Variants in APP observed in about 807,000 individuals in gnomAD.
APP encodes the protein amyloid beta precursor protein, also known as amyloid-beta precursor protein.
Under a neutral mutation model 101.4 loss-of-function variants are expected in APP, and 31 were observed. That is an observed-to-expected ratio of 0.31 (90% CI 0.23 to 0.41). The LOEUF (loss-of-function observed/expected upper bound fraction) is 0.41. Ranked by LOEUF, APP falls within the 10% of genes least tolerant of loss-of-function variation. The pLI is 1.00. For synonymous variants in APP, 366 were observed against 364.4 expected (o/e 1.00, Z -0.05); for missense variants, 839 against 1,003.7 (o/e 0.84, Z 2.22).
intron 5 of APP, among the ~76,000 whole-genome samples, chr21:26,024,300 T>C (rs1032207587): frequency 3.3e-5 from 5 of 150,820 alleles, no homozygotes; most frequent in Admixed American, 2.6e-4. Context: ...GACATTATAA[T>C]GTACCCAGAA....
chr21:26,151,499 A>G (rs1303805120), intron 1 of APP, among the ~76,000 whole-genome samples: 2 of 151,786 alleles, frequency 1.3e-5, no homozygotes, highest in Non-Finnish European at 2.9e-5. Flanking sequence ...TTTTTATGTT[A>G]AAGACCACCA....
intron 11 of APP, among the ~76,000 whole-genome samples, chr21:25,957,953 A>C (rs184510395): frequency 3.9e-5 from 6 of 152,276 alleles, no homozygotes; most frequent in African/African-American, 1.4e-4. Context: ...GACTGTACTC[A>C]AGCCTGGGAA....
chr21:26,032,858 G>A (rs1471541618), intron 5 of APP, among the ~76,000 whole-genome samples: 1 of 151,278 alleles, frequency 6.6e-6, no homozygotes, highest in Non-Finnish European at 1.5e-5. Context: ...TGCCTAGTAA[G>A]TTCCCAACTG....
At chr21:26,082,294 C>T (rs2061614743) in intron 3 of APP, among the ~76,000 whole-genome samples, 1 of 152,098 alleles carries the variant, frequency 6.6e-6, no homozygotes, top group African/African-American at 2.4e-5. Context: ...TTAAATGTTG[C>T]TTTATTTTCC....
chr21:25,926,143 G>C (rs1307597256), intron 13 of APP, among the ~76,000 whole-genome samples: 1 of 152,208 alleles, frequency 6.6e-6, no homozygotes, highest in Non-Finnish European at 1.5e-5. Context: ...ACTGGTCACA[G>C]ACTTCCTTCT....
chr21:25,890,286 G>A lies in APP; in HGVS notation c.2211+1436C>T, dbSNP rs930650218. 2.0e-5 allele frequency among the ~76,000 whole-genome samples: 3 copies of A among 152,262 alleles called. No individual in the cohort carries two copies. The East Asian group carries it at 5.8e-4, about 29-fold the overall frequency. ...GCAGCTTCTGTTGTAGTCTGCAGAG[G>A]TTTTAATTGCTGAGCAAAATGAAAT... is the stretch of plus-strand genomic sequence containing the variant. On this transcript the variant is annotated intron_variant, in intron 17 of 17. Coordinates refer to ENST00000346798, the MANE Select transcript of APP (RefSeq NM_000484.4).
intron 6 of APP, among the ~76,000 whole-genome samples, chr21:26,008,067 T>TG (rs5843196): frequency 1 from 152,097 of 152,306 alleles, 75,944 homozygotes; most frequent in Middle Eastern, 1. Flanking sequence ...TACAAGAGGA[T>TG]GGTGCTAATT....
chr21:26,094,914 C>T (rs1440985423), intron 2 of APP, among the ~76,000 whole-genome samples: 1 of 151,914 alleles, frequency 6.6e-6, no homozygotes, highest in African/African-American at 2.4e-5. Context: ...GGTGCAATCT[C>T]AGCTCACTGT....
At chr21:25,928,942 G>C (rs909348156) in intron 13 of APP, 13 of 151,928 alleles carry the variant, frequency 8.6e-5, no homozygotes, top group Admixed American at 2.6e-4. Context: ...GGATGGTCTC[G>C]ATCTTCTAAC....
At chr21:25,988,270 C>T (rs1469745208) in intron 8 of APP, among the ~76,000 whole-genome samples, 1 of 152,148 alleles carries the variant, frequency 6.6e-6, no homozygotes, top group Non-Finnish European at 1.5e-5. Flanking sequence ...TGGGGGACAT[C>T]ATGTACAGCC....
chr21:25,963,749 C>T (rs1034642860), intron 11 of APP, among the ~76,000 whole-genome samples: 6 of 152,098 alleles, frequency 3.9e-5, no homozygotes, highest in Admixed American at 6.5e-5. Context: ...CTTAGTTAAA[C>T]GTAATATTTG....
At chr21:25,906,667 A>AT (rs1013446795) in intron 14 of APP, among the ~76,000 whole-genome samples, 3 of 151,854 alleles carry the variant, frequency 2.0e-5, no homozygotes, top group East Asian at 1.9e-4. Context: ...TCTATACTTC[A>AT]TTTTTTTTCC....
chr21:25,934,067 G>A (rs1340429373), intron 13 of APP: 3 of 152,140 alleles, frequency 2.0e-5, no homozygotes, highest in Non-Finnish European at 4.4e-5. Context: ...TCATATTAGA[G>A]AAGACACAGA....
intron 8 of APP, among the ~76,000 whole-genome samples, chr21:25,986,621 A>AC (rs145926390): frequency 0.32 from 48,010 of 152,048 alleles, 8,732 homozygotes; most frequent in African/African-American, 0.5. Flanking sequence ...AATCGCTTGA[A>AC]CCTGGGAGGC....
At chr21:26,015,607 C>CCACACACA (rs1442768206) in intron 6 of APP, among the ~76,000 whole-genome samples, 1 of 152,114 alleles carries the variant, frequency 6.6e-6, no homozygotes, top group Admixed American at 6.6e-5. Context: ...ACCATCTACA[C>CCACACACA]TACACACATA....
chr21:26,036,348 T>C (rs1452406530), intron 5 of APP, among the ~76,000 whole-genome samples: 1 of 151,984 alleles, frequency 6.6e-6, no homozygotes, highest in East Asian at 1.9e-4. Flanking sequence ...AGGCTGGAAA[T>C]GACAGTGACA....
At chr21:25,982,220 A>G (rs1354903321) in intron 9 of APP, 124 bp downstream of exon 9, 1 of 1,148,782 alleles carries the variant, frequency 8.7e-7, no homozygotes, top group Middle Eastern at 2.2e-4. Context: ...GTAAACATTT[A>G]AAATTAGAAC....
chr21:25,994,324 A>C (rs1477182160), intron 8 of APP, among the ~76,000 whole-genome samples: 1 of 152,162 alleles, frequency 6.6e-6, no homozygotes, highest in Non-Finnish European at 1.5e-5. Flanking sequence ...ATCCCAAATG[A>C]GAAAGGGTTT....
chr21:26,035,923 T>C (rs1325363626), intron 5 of APP, among the ~76,000 whole-genome samples: 1 of 152,162 alleles, frequency 6.6e-6, no homozygotes, highest in Non-Finnish European at 1.5e-5. Context: ...CAATAATCCC[T>C]AGGAGAGGGC....
Sources: allele counts gnomAD v4.1 joint callset (sites outside exome capture counted in the v4.1 genomes callset), GRCh38; gene constraint gnomAD v4.1.1; transcripts MANE v1.5; gene names NCBI Gene and HGNC (gene_info 2026-07-23, HGNC 2026-07-21).